The following WDR17 variants were observed in gnomAD, a reference collection of about 807,000 sequenced individuals.
The protein encoded by WDR17 is WD repeat domain 17.
In WDR17, 143 loss-of-function variants were observed where a neutral mutation model predicts 161.7. The observed-to-expected ratio is 0.88, with a 90% CI of 0.77 to 1.02. WDR17 has a LOEUF of 1.02. Ranked by LOEUF, WDR17 falls within the 50% of genes least tolerant of loss-of-function variation. The pLI is 0.00. For missense variants in WDR17, 1,469 were observed against 1,520.9 expected (o/e 0.97, Z 0.57); for synonymous variants, 517 against 515.6 (o/e 1.00, Z -0.04).
At chr4:176,068,604 A>G (rs1417976222) in intron 1 of WDR17, among the ~76,000 whole-genome samples, 1 of 152,226 alleles carries the variant, frequency 6.6e-6, no homozygotes, top group Non-Finnish European at 1.5e-5. Flanking sequence ...AACGTCAAAA[A>G]AATTAAAGAA....
At chr4:176,111,966 T>A (rs1475093121) in intron 2 of WDR17, among the ~76,000 whole-genome samples, 1 of 152,190 alleles carries the variant, frequency 6.6e-6, no homozygotes, top group Non-Finnish European at 1.5e-5. Flanking sequence ...TTAGAGATCA[T>A]TATAGTAAAA....
chr4:176,090,017 G>GT (rs1735914777), intron 1 of WDR17, among the ~76,000 whole-genome samples: 1 of 152,014 alleles, frequency 6.6e-6, no homozygotes, highest in Non-Finnish European at 1.5e-5. Context: ...ATAATTTAAT[G>GT]TTATCTTCCT....
intron 1 of WDR17, among the ~76,000 whole-genome samples, chr4:176,103,567 A>G (rs1484034482): frequency 2.0e-5 from 3 of 152,160 alleles, no homozygotes; most frequent in Non-Finnish European, 4.4e-5. Context: ...AAAACAATGT[A>G]TGAACAAAAT....
At chr4:176,100,892 T>C (rs1207443022) in intron 1 of WDR17, among the ~76,000 whole-genome samples, 4 of 152,188 alleles carry the variant, frequency 2.6e-5, no homozygotes, top group Non-Finnish European at 5.9e-5. Context: ...ATCAATTCAC[T>C]GTAGATATGT....
intron 1 of WDR17, among the ~76,000 whole-genome samples, chr4:176,096,115 T>C (rs150932348): frequency 2.6e-5 from 4 of 152,210 alleles, no homozygotes; most frequent in African/African-American, 7.2e-5. Context: ...GTTCCTGAGG[T>C]TGAAAATGTA....
chr4:176,111,478 G>A (rs1442592134), intron 1 of WDR17, 97 bp from the exon 2 acceptor site: 15 of 1,335,524 alleles, frequency 1.1e-5, no homozygotes, highest in African/African-American at 3.0e-5. Flanking sequence ...TGTTTTTCAG[G>A]GCACACAGGT....
At chr4:176,122,264 A>G (rs535683899) in intron 4 of WDR17, among the ~76,000 whole-genome samples, 5 of 152,136 alleles carry the variant, frequency 3.3e-5, no homozygotes, top group East Asian at 3.9e-4. Context: ...TTATAAAGAC[A>G]TAGTCATATT....
At chr4:176,115,705 A>T (rs971385048) in intron 2 of WDR17, 91 bp from the exon 3 acceptor site, 13 of 986,704 alleles carry the variant, frequency 1.3e-5, no homozygotes, top group African/African-American at 1.7e-5. Context: ...ATTTTCCTGT[A>T]TGTAGCTTTA....
intron 2 of WDR17, among the ~76,000 whole-genome samples, chr4:176,115,518 C>T (rs1039314700): frequency 4.0e-5 from 6 of 151,718 alleles, no homozygotes; most frequent in Non-Finnish European, 7.4e-5. Flanking sequence ...TAATAAAGCT[C>T]TAAATTATTA....
At chr4:176,117,357 G>A (rs1054834591) in intron 3 of WDR17, among the ~76,000 whole-genome samples, 1 of 151,908 alleles carries the variant, frequency 6.6e-6, no homozygotes, top group African/African-American at 2.4e-5. Context: ...CTTTGTGTGA[G>A]ATTAATTTTA....
intron 2 of WDR17, 85 bp from the exon 3 acceptor site, chr4:176,115,711 C>T: frequency 9.3e-7 from 1 of 1,075,052 alleles, no homozygotes; most frequent in Non-Finnish European, 1.3e-6. Context: ...CTGTATGTAG[C>T]TTTAGTTTTG....
intron 28 of WDR17, among the ~76,000 whole-genome samples, chr4:176,178,246 A>G (rs891839846): frequency 1.3e-5 from 2 of 152,192 alleles, no homozygotes; most frequent in African/African-American, 4.8e-5. Context: ...GTCTCAAAAC[A>G]TAACCAGTAT....
At position 176,182,405 on chromosome 4, in the gene WDR17, G is replaced by GTATATATATATATATATATATA. The variant is rs34628181; in HGVS notation, c.*2830_*2851dup. ...AATATATATATGTGCGTGTGTGTGT[G>GTATATATATATATATATATATA]TATATATATATATATATATATATAT... On this transcript the variant is annotated 3_prime_UTR_variant, in exon 29 of 29. Coordinates refer to ENST00000508596, the MANE Select transcript of WDR17 (RefSeq NM_181265.4). This position sits in a 1 kb window ranked among gnomAD's most constrained non-coding sequence, Gnocchi z 4.2. 1.3e-5 allele frequency: 2 copies of GTATATATATATATATATATATA among 148,698 alleles called. No individual in the cohort carries two copies. The highest frequency in any genetic ancestry group is 4.9e-5 in the African/African-American group (2 of 40,504). The allele number at this position is 148,698 out of a possible 1,614,324, so 9.2% of individuals were successfully genotyped here.
In WDR17 at chr4:176,124,377, T is replaced by C. The variant is rs537855315; in HGVS notation, c.539-727T>C. 2.0e-5 allele frequency among the ~76,000 whole-genome samples: 3 copies of C among 152,296 alleles called. No individual in the cohort carries two copies. In the East Asian group the frequency reaches 5.8e-4, roughly 29 times the overall value. On this transcript the variant is annotated intron_variant, in intron 4 of 28. Coordinates refer to ENST00000508596, the MANE Select transcript of WDR17 (RefSeq NM_181265.4). The stretch of plus-strand genomic sequence containing the variant: ...ATGATCCTTTGCTTTATTTAATTAG[T>C]CTTGTTTTAACTCCCTATCTTTCTG...
At chr4:176,109,954 G>A (rs1249905337) in intron 1 of WDR17, among the ~76,000 whole-genome samples, 1 of 152,048 alleles carries the variant, frequency 6.6e-6, no homozygotes, top group Non-Finnish European at 1.5e-5. Flanking sequence ...ATAGCTCTCA[G>A]TTTTCTACTT....
intron 1 of WDR17, among the ~76,000 whole-genome samples, chr4:176,097,322 A>G (rs1230612444): frequency 1.3e-5 from 2 of 151,940 alleles, no homozygotes; most frequent in East Asian, 1.9e-4. Context: ...CAGTTTTACT[A>G]GATTTTTCAC....
At chr4:176,172,537 A>G in intron 24 of WDR17, 21 bp downstream of exon 24, 1 of 1,549,498 alleles carries the variant, frequency 6.5e-7, no homozygotes, top group Non-Finnish European at 8.7e-7. Flanking sequence ...AGTTGGTAGT[A>G]GAATTTTAAA....
intron 1 of WDR17, among the ~76,000 whole-genome samples, chr4:176,103,310 C>A (rs1357341760): frequency 6.6e-6 from 1 of 151,902 alleles, no homozygotes; most frequent in African/African-American, 2.4e-5. Flanking sequence ...AAAACAAAAA[C>A]AATAAATAAA....
chr4:176,099,621 C>T (rs1376649662), intron 1 of WDR17, among the ~76,000 whole-genome samples: 4 of 152,066 alleles, frequency 2.6e-5, no homozygotes, highest in Non-Finnish European at 5.9e-5. Flanking sequence ...TTATGGAGTA[C>T]AAGTACAATT....
Sources: gnomAD v4.1 joint callset for allele counts (sites outside exome capture counted in the v4.1 genomes callset) on GRCh38, gnomAD v4.1.1 for gene constraint, Gnocchi (gnomAD v3.1) non-coding constraint, MANE v1.5 for transcripts, NCBI Gene and HGNC (gene_info 2026-07-23, HGNC 2026-07-21) for gene names.